DNAH8: variants seen among roughly 807,000 people sequenced by gnomAD.
DNAH8 encodes the protein dynein axonemal heavy chain 8.
A neutral mutation model predicts 562.1 loss-of-function variants in DNAH8; 382 were observed. That is an observed-to-expected ratio of 0.68 (90% CI 0.63 to 0.74). The LOEUF is 0.74. DNAH8 is among the 30% of genes least tolerant of loss of function. The pLI is 0.00. For synonymous variants in DNAH8, 1,881 were observed against 1,919.4 expected, an observed-to-expected ratio of 0.98 and a Z score of 0.52; for missense variants, 5,203 against 5,620.4, an observed-to-expected ratio of 0.93 and a Z score of 2.37.
Position 38,868,160 on chromosome 6 carries a change from C to A in DNAH8, c.6792C>A (p.Val2264=). ...ARPEDSELSI[V]MRGLRDMNLS... is the part of the protein sequence containing the mutation. ...CAGAAGATAGTGAATTAAGCATTGT[C>A]ATGAGAGGACTAAGAGATATGAACC... Residue 2264 remains valine, a synonymous_variant, in exon 48 of 93, where the codon GTC becomes GTA. Transcript: ENST00000327475. 6.2e-7 allele frequency: 1 copy of A among 1,613,750 alleles called. No individual in the cohort carries two copies. Among genetic ancestry groups the A allele is most frequent in the South Asian group, 1.1e-5 (1 of 91,008 alleles).
intron 63 of DNAH8, among the ~76,000 whole-genome samples, chr6:38,907,608 CAAAA>C (rs954248027): frequency 9.8e-4 from 149 of 152,282 alleles, no homozygotes; most frequent in African/African-American, 3.2e-3. Flanking sequence ...CTTAATGGTG[CAAAA>C]ATTAGTTAAG....
At chr6:38,798,194 T>A (rs1017845878) in intron 21 of DNAH8, among the ~76,000 whole-genome samples, 2 of 152,142 alleles carry the variant, frequency 1.3e-5, no homozygotes, top group South Asian at 4.1e-4. Context: ...TCTGAGGTGA[T>A]GAGAATATTA....
chr6:38,968,313 A>G (rs1182321731), intron 82 of DNAH8, among the ~76,000 whole-genome samples: 1 of 152,200 alleles, frequency 6.6e-6, no homozygotes, highest in East Asian at 1.9e-4. Flanking sequence ...ATCAAAATGT[A>G]AAACTTTGTG....
intron 36 of DNAH8, 52 bp downstream of exon 36, chr6:38,845,825 A>C: frequency 6.8e-7 from 1 of 1,467,080 alleles, no homozygotes; most frequent in South Asian, 1.2e-5. Context: ...AGGGTTATAA[A>C]ATTCTAAGTA....
chr6:39,023,471 C>T (rs761455833), intron 91 of DNAH8, among the ~76,000 whole-genome samples: 6 of 151,886 alleles, frequency 4.0e-5, no homozygotes, highest in East Asian at 1.9e-4. Context: ...CCAGCCTGGG[C>T]GACAGAGCGA....
chr6:38,807,678 A>G lies in DNAH8; in HGVS notation c.3219A>G (p.Leu1073=), dbSNP rs1187975633. ...ACAGTCTTCAAAAAGCTACACGGTT[A>G]TCTCTGGACACAATGAAAAGAAGAA... ...LLDSLQKATR[L]SLDTMKRRIF... The change falls in exon 24 of 93, where the codon TTA becomes TTG. Residue 1073 remains leucine (L), a synonymous_variant. Coordinates refer to ENST00000327475, the MANE Select transcript of DNAH8 (RefSeq NM_001206927.2). 2.6e-6 allele frequency: 4 copies of G among 1,544,828 alleles called. No homozygotes were observed. The African/African-American group carries it at 5.5e-5, about 21-fold the overall frequency.
At chr6:38,918,204 G>T in intron 70 of DNAH8, 64 bp downstream of exon 70, 1 of 1,203,124 alleles carries the variant, frequency 8.3e-7, no homozygotes, top group Non-Finnish European at 1.2e-6. Context: ...CAGTATTACT[G>T]CTATTAAAAG....
At position 38,851,657 on chromosome 6, in the gene DNAH8, G is replaced by A. The variant is rs761167536; in HGVS notation, c.5449G>A (p.Asp1817Asn). ...VLLEILGQAS[D>N]SHTIQPHLPA... ...CCTGGAAATTCTTGGACAAGCCAGT[G>A]ATTCCCACACCATACAGGTATAATC... Residue 1817 changes from aspartate (D) to asparagine (N), a missense_variant, in exon 39 of 93, where the codon GAT becomes AAT. Around this residue, in one of 6 missense-constraint regions of DNAH8, gnomAD observed 2,176 missense variants for 2,365.1 expected, o/e 0.92. Coordinates refer to ENST00000327475, the MANE Select transcript of DNAH8 (RefSeq NM_001206927.2). The A allele has an allele frequency of 4.4e-6, 7 of 1,606,824 alleles. No individual in the cohort carries two copies. The highest frequency in any genetic ancestry group is 5.1e-6 in the Non-Finnish European group (6 of 1,174,490).
rs201261721 is a variant in DNAH8, at chr6:38,894,868, C to T, written c.8747+4C>T. On this transcript the variant is annotated splice_donor_region_variant and intron_variant, in intron 59 of 92. Coordinates refer to ENST00000327475, the MANE Select transcript of DNAH8 (RefSeq NM_001206927.2). ...GCAGCAGAGTAATTGCAGACAGGTGCGTGTTGCGGCACTAGAGTTTAAATG... is the reference window on the plus strand; with the variant it reads ...GCAGCAGAGTAATTGCAGACAGGTGTGTGTTGCGGCACTAGAGTTTAAATG... 410 of 1,611,288 alleles carry T rather than the reference C, an allele frequency of 2.5e-4. 1 individual carries two copies. The African/African-American group carries it at 3.7e-3, about 15-fold the overall frequency.
rs765621822 is a variant in DNAH8, at chr6:38,883,400, G to T, written c.8080G>T (p.Val2694Leu). The change falls in exon 55 of 93, where the codon GTA becomes TTA. Residue 2694 changes from valine to leucine, a missense_variant. Coordinates refer to ENST00000327475, the MANE Select transcript of DNAH8 (RefSeq NM_001206927.2). ...CTATTTGAAAAAATATGATCCTGAA[G>T]TACAGCTATCCAAAAGTCTAAACTT... Reference protein sequence around the residue: ...KAYLKKYDPEVQLSKSLNFSS... With the variant: ...KAYLKKYDPELQLSKSLNFSS... The T allele has an allele frequency of 6.2e-7, 1 of 1,613,062 alleles. No individual in the cohort carries two copies. Among genetic ancestry groups the T allele is most frequent in the Non-Finnish European group, 8.5e-7 (1 of 1,179,484 alleles).
intron 64 of DNAH8, 28 bp from the exon 65 acceptor site, chr6:38,909,490 T>C: frequency 6.2e-7 from 1 of 1,607,610 alleles, no homozygotes; most frequent in Non-Finnish European, 8.5e-7. Context: ...TCTGTGTTTC[T>C]AATGTTTGTT....
At chr6:38,760,090 G>T (rs951064517) in intron 10 of DNAH8, among the ~76,000 whole-genome samples, 1 of 152,000 alleles carries the variant, frequency 6.6e-6, no homozygotes, top group African/African-American at 2.4e-5. Flanking sequence ...TCCAAGTATT[G>T]CTAATTTATT....
At position 38,990,110 on chromosome 6, in the gene DNAH8, C is replaced by T; in HGVS notation, c.13152C>T (p.Ile4384=). ...CKTLDQYFEY[I]QSLPSLDNPE... is the part of the protein sequence containing the mutation. ...CCTTAGACCAGTATTTTGAATACAT[C>T]CAGTCACTGCCATCCCTAGATAACC... Residue 4384 remains isoleucine, a synonymous_variant, in exon 88 of 93, where the codon ATC becomes ATT. Transcript: ENST00000327475. 6.2e-7 allele frequency: 1 copy of T among 1,607,086 alleles called. No individual in the cohort carries two copies. The highest frequency in any genetic ancestry group is 8.5e-7 in the Non-Finnish European group (1 of 1,173,632).
intron 1 of DNAH8, among the ~76,000 whole-genome samples, chr6:38,721,048 T>C (rs1338820931): frequency 6.6e-6 from 1 of 152,114 alleles, no homozygotes; most frequent in Non-Finnish European, 1.5e-5. Context: ...GGAAAAAGAA[T>C]GAAGATGAAC....
chr6:38,753,185 T>C (rs1288827007), intron 9 of DNAH8, among the ~76,000 whole-genome samples: 1 of 152,170 alleles, frequency 6.6e-6, no homozygotes, highest in African/African-American at 2.4e-5. Flanking sequence ...TTGTAAAATT[T>C]GTTTAATATA....
chr6:38,992,255 A>C (rs1583526073), intron 88 of DNAH8, among the ~76,000 whole-genome samples: 1 of 152,318 alleles, frequency 6.6e-6, no homozygotes, highest in East Asian at 1.9e-4. Context: ...GGTGTGAGCC[A>C]CCGCACCCAG....
chr6:38,814,264 T>C, intron 25 of DNAH8, 135 bp downstream of exon 25: 1 of 618,326 alleles, frequency 1.6e-6, no homozygotes, highest in Non-Finnish European at 2.8e-6. Context: ...AAATTGGAAA[T>C]GTCATTTATA....
intron 4 of DNAH8, among the ~76,000 whole-genome samples, chr6:38,733,490 T>C (rs1402337251): frequency 1.3e-5 from 2 of 151,872 alleles, no homozygotes; most frequent in East Asian, 1.9e-4. Flanking sequence ...GAAAGATGAG[T>C]AGGAATTTGT....
intron 21 of DNAH8, among the ~76,000 whole-genome samples, chr6:38,795,789 G>T (rs1262744751): frequency 6.6e-6 from 1 of 152,100 alleles, no homozygotes; most frequent in African/African-American, 2.4e-5. Flanking sequence ...TCACACTCCT[G>T]ACTGCAATCA....
Sources: allele counts gnomAD v4.1 joint callset (sites outside exome capture counted in the v4.1 genomes callset), GRCh38; gene constraint gnomAD v4.1.1; regional missense constraint gnomAD v4.1.1; transcripts MANE v1.5; gene names NCBI Gene and HGNC (gene_info 2026-07-23, HGNC 2026-07-21).